The following RBPJ variants were observed in gnomAD, a reference collection of about 807,000 sequenced individuals.
The protein encoded by RBPJ is recombining binding protein suppressor of hairless.
A neutral mutation model predicts 67.8 loss-of-function variants in RBPJ; 9 were observed. The observed-to-expected ratio is 0.13, with a 90% CI of 0.08 to 0.23. The LOEUF (loss-of-function observed/expected upper bound fraction) is 0.23. Ranked by LOEUF, RBPJ falls within the 10% of genes least tolerant of loss-of-function variation. RBPJ has a pLI of 1.00. For synonymous variants in RBPJ, 198 were observed against 203.3 expected (o/e 0.97, Z 0.22); for missense variants, 305 against 595.6 (o/e 0.51, Z 5.08).
At chr4:26,255,619 G>C (rs6829257) in intron 1 of RBPJ, among the ~76,000 whole-genome samples, 1 of 148,450 alleles carries the variant, frequency 6.7e-6, no homozygotes, top group Non-Finnish European at 1.5e-5. Flanking sequence ...TGGCTAACAC[G>C]GTGAAACCCC....
chr4:26,251,915 T>C (rs952799865), intron 1 of RBPJ, among the ~76,000 whole-genome samples: 6 of 144,988 alleles, frequency 4.1e-5, no homozygotes, highest in Non-Finnish European at 9.0e-5. Context: ...AATGGAAAAG[T>C]CAATAACGTT....
chr4:26,425,266 G>T (rs1735521228), intron 7 of RBPJ, among the ~76,000 whole-genome samples: 1 of 152,120 alleles, frequency 6.6e-6, no homozygotes, highest in Admixed American at 6.5e-5. Flanking sequence ...CAGGGCATAG[G>T]ATTTAGGGCT....
At chr4:26,217,998 T>C (rs1006409219) in intron 1 of RBPJ, among the ~76,000 whole-genome samples, 1 of 152,170 alleles carries the variant, frequency 6.6e-6, no homozygotes, top group Non-Finnish European at 1.5e-5. Context: ...CCGGGGCATT[T>C]CCACCTTATT....
intron 1 of RBPJ, among the ~76,000 whole-genome samples, chr4:26,232,049 G>A (rs1475465356): frequency 6.6e-6 from 1 of 151,032 alleles, no homozygotes; most frequent in Non-Finnish European, 1.5e-5. Flanking sequence ...GCATCACCAT[G>A]CTCGGCCAAT....
intron 1 of RBPJ, among the ~76,000 whole-genome samples, chr4:26,211,954 G>A (rs949336496): frequency 2.6e-5 from 4 of 152,114 alleles, no homozygotes; most frequent in South Asian, 2.1e-4. Flanking sequence ...AGGCAGAGAT[G>A]GGGGTGATGC....
chr4:26,334,875 A>G (rs777107465), intron 1 of RBPJ, among the ~76,000 whole-genome samples: 32 of 152,158 alleles, frequency 2.1e-4, no homozygotes, highest in Admixed American at 7.9e-4. Context: ...TTCTCTTCCA[A>G]TCTTAAGTAT....
At chr4:26,255,090 T>A (rs1297672308) in intron 1 of RBPJ, among the ~76,000 whole-genome samples, 1 of 145,662 alleles carries the variant, frequency 6.9e-6, no homozygotes, top group East Asian at 2.0e-4. Flanking sequence ...CTGTTACACG[T>A]ATAACATATC....
chr4:26,375,202 T>G (rs1204158054), intron 1 of RBPJ, among the ~76,000 whole-genome samples: 1 of 145,810 alleles, frequency 6.9e-6, no homozygotes, highest in African/African-American at 2.6e-5. Context: ...TACTGGGGAG[T>G]AGGATCACTT....
At chr4:26,290,730 G>C (rs929061898) in intron 1 of RBPJ, among the ~76,000 whole-genome samples, 5 of 150,846 alleles carry the variant, frequency 3.3e-5, no homozygotes, top group Non-Finnish European at 5.9e-5. Flanking sequence ...AGTTTTGTTA[G>C]GTTCTCTCCA....
rs567520160 is a variant in RBPJ at position 26,222,800 on chromosome 4, C to T, written c.-167+59186C>T. On this transcript the variant is annotated intron_variant, in intron 1 of 4. Transcript: ENST00000512351. The stretch of plus-strand genomic sequence containing the variant: ...AGAGGAAAGGAGGAGCATTTGTAAG[C>T]GGTTTTACAGTGCATAAAACATATA... 1.6e-4 allele frequency among the ~76,000 whole-genome samples: 25 copies of T among 152,010 alleles called. No individual in the cohort carries two copies. The East Asian group carries it at 3.3e-3, about 20-fold the overall frequency.
At chr4:26,269,100 G>A (rs1720795931) in intron 1 of RBPJ, among the ~76,000 whole-genome samples, 1 of 152,110 alleles carries the variant, frequency 6.6e-6, no homozygotes, top group Admixed American at 6.5e-5. Context: ...ACTTCAGCTA[G>A]CTGGAAAACA....
chr4:26,190,777 T>G (rs1157700926), intron 1 of RBPJ, among the ~76,000 whole-genome samples: 1 of 152,178 alleles, frequency 6.6e-6, no homozygotes, highest in Non-Finnish European at 1.5e-5. Flanking sequence ...CAATGCCTGT[T>G]GCACTGAGAA....
chr4:26,145,875 T>C, the RBPJ span, among the ~76,000 whole-genome samples: 1 of 152,150 alleles, frequency 6.6e-6, no homozygotes, highest in Non-Finnish European at 1.5e-5. Context: ...AATAGACACA[T>C]AGATCAATGG....
chr4:26,182,269 G>A lies in RBPJ; in HGVS notation c.-167+18655G>A, dbSNP rs377163975. Among the ~76,000 whole-genome samples, 97 of 152,072 alleles carry A rather than the reference G, an allele frequency of 6.4e-4. 1 individual carries two copies. In the South Asian group the frequency reaches 0.019, roughly 29 times the overall value. On this transcript the variant is annotated intron_variant, in intron 1 of 4. Transcript: ENST00000512351. ...AGACAGGAGAATGGCGTGAACCCGGGAGGCGGAGCTTGCAGTGAGCCGAGA... is the reference window on the plus strand; with the variant it reads ...AGACAGGAGAATGGCGTGAACCCGGAAGGCGGAGCTTGCAGTGAGCCGAGA...
intron 1 of RBPJ, among the ~76,000 whole-genome samples, chr4:26,326,486 T>A (rs1487593912): frequency 6.6e-6 from 1 of 152,188 alleles, no homozygotes; most frequent in Non-Finnish European, 1.5e-5. Context: ...TATGTTAGAT[T>A]AAACCGTAGA....
At chr4:26,229,839 A>G (rs1719213257) in intron 1 of RBPJ, among the ~76,000 whole-genome samples, 1 of 152,234 alleles carries the variant, frequency 6.6e-6, no homozygotes, top group Non-Finnish European at 1.5e-5. Flanking sequence ...TGGTCTGACT[A>G]TAGAGGCCAC....
At chr4:26,214,982 A>AGGACGGAAGGAG (rs1718625838) in intron 1 of RBPJ, among the ~76,000 whole-genome samples, 1 of 33,254 alleles carries the variant, frequency 3.0e-5, no homozygotes, top group Non-Finnish European at 5.1e-5. Flanking sequence ...GAGGGAAGGA[A>AGGACGGAAGGAG]GGAGGGAGGG....
chr4:26,167,834 T>C (rs1379122971), intron 1 of RBPJ, among the ~76,000 whole-genome samples: 1 of 152,044 alleles, frequency 6.6e-6, no homozygotes, highest in Non-Finnish European at 1.5e-5. Context: ...GCCCATTCAG[T>C]ATGATATTGG....
intron 1 of RBPJ, among the ~76,000 whole-genome samples, chr4:26,171,934 G>T (rs1716603216): frequency 6.6e-6 from 1 of 152,214 alleles, no homozygotes; most frequent in Non-Finnish European, 1.5e-5. Context: ...TGATGTATAT[G>T]CCATGGGCTT....
Sources: allele counts gnomAD v4.1 joint callset (sites outside exome capture counted in the v4.1 genomes callset), GRCh38; gene constraint gnomAD v4.1.1; transcripts MANE v1.5; gene names NCBI Gene and HGNC (gene_info 2026-07-23, HGNC 2026-07-21).